PPP4R2: variants seen among roughly 807,000 people sequenced by gnomAD.
PPP4R2 encodes the protein serine/threonine-protein phosphatase 4 regulatory subunit 2.
A neutral mutation model predicts 47.2 loss-of-function variants in PPP4R2; 13 were observed. That is an observed-to-expected ratio of 0.28 (90% confidence interval 0.18 to 0.44). PPP4R2 has a LOEUF of 0.44. PPP4R2 is among the 20% of genes least tolerant of loss of function. The pLI is 1.00. For synonymous variants in PPP4R2, 151 were observed against 163.3 expected, an observed-to-expected ratio of 0.92 and a Z score of 0.57; for missense variants, 421 against 491.2, an observed-to-expected ratio of 0.86 and a Z score of 1.35.
chr3:73,006,635 TCTC>T (rs1199698040), intron 2 of PPP4R2, among the ~76,000 whole-genome samples: 1 of 152,146 alleles, frequency 6.6e-6, no homozygotes, highest in Non-Finnish European at 1.5e-5. Context: ...CTTGACTCTT[TCTC>T]CTCATTGTGG....
chr3:73,002,570 A>G (rs958292751), intron 2 of PPP4R2, among the ~76,000 whole-genome samples: 1 of 150,770 alleles, frequency 6.6e-6, no homozygotes, highest in South Asian at 2.1e-4. Context: ...GCTGTTGTGA[A>G]TAGTGCTGCA....
intron 5 of PPP4R2, chr3:73,062,474 C>A (rs1422902620): frequency 6.2e-7 from 1 of 1,612,954 alleles, no homozygotes; most frequent in African/African-American, 1.3e-5. Context: ...TCTTGTGTTT[C>A]ATATTTGATG....
intron 5 of PPP4R2, chr3:73,062,922 C>G (rs531173205): frequency 1.9e-6 from 3 of 1,590,952 alleles, no homozygotes; most frequent in African/African-American, 2.7e-5. Flanking sequence ...GCACAGATGA[C>G]AACCTATTAA....
rs200530163 is a variant in PPP4R2 at position 73,064,877 on chromosome 3, G to C, written c.664G>C (p.Val222Leu). 1 of 1,609,578 alleles carries C rather than the reference G, an allele frequency of 6.2e-7. No homozygotes were observed. Among genetic ancestry groups the C allele is most frequent in the Non-Finnish European group, 8.5e-7 (1 of 1,178,474 alleles). Residue 222 changes from valine to leucine, a missense_variant, in exon 8 of 9, where the codon GTT becomes CTT. By Grantham distance (32) the Val-to-Leu change is conservative (BLOSUM62 1). Transcript: ENST00000356692. ...HSDSSTSESE[V>L]SSVSPLKNKH... ...TGACTCTTCGACCTCTGAATCAGAA[G>C]TTTCCTCAGTGAGCCCTTTGAAAAA...
intron 2 of PPP4R2, among the ~76,000 whole-genome samples, chr3:73,019,140 A>G (rs1450856241): frequency 6.6e-6 from 1 of 152,222 alleles, no homozygotes; most frequent in Non-Finnish European, 1.5e-5. Flanking sequence ...ATGTTCAGAC[A>G]TACGAATACT....
At chr3:73,033,531 A>T (rs1438660060) in intron 2 of PPP4R2, among the ~76,000 whole-genome samples, 2 of 152,236 alleles carry the variant, frequency 1.3e-5, no homozygotes, top group Non-Finnish European at 2.9e-5. Context: ...GAGGCAAAAC[A>T]TGCATAAAAT....
At chr3:73,020,262 A>G (rs1423719362) in intron 2 of PPP4R2, among the ~76,000 whole-genome samples, 1 of 152,100 alleles carries the variant, frequency 6.6e-6, no homozygotes, top group Non-Finnish European at 1.5e-5. Context: ...GTGGTGGGAC[A>G]ATAGCTCACT....
chr3:73,008,714 A>G (rs1701664112), intron 2 of PPP4R2, among the ~76,000 whole-genome samples: 1 of 152,220 alleles, frequency 6.6e-6, no homozygotes, highest in Non-Finnish European at 1.5e-5. Context: ...AATAAAGTAT[A>G]TAGCTATAGA....
At chr3:73,008,400 C>T (rs902010440) in intron 2 of PPP4R2, among the ~76,000 whole-genome samples, 2 of 152,294 alleles carry the variant, frequency 1.3e-5, no homozygotes, top group African/African-American at 2.4e-5. Context: ...AAGTTAGGCA[C>T]GCCAACTTTC....
chr3:73,032,594 C>G (rs1396239269), intron 2 of PPP4R2, among the ~76,000 whole-genome samples: 2 of 152,110 alleles, frequency 1.3e-5, no homozygotes, highest in Non-Finnish European at 2.9e-5. Flanking sequence ...GCCTACCTTC[C>G]TATTTCTAAG....
chr3:72,998,654 C>G (rs905870295), intron 2 of PPP4R2, among the ~76,000 whole-genome samples: 5 of 152,098 alleles, frequency 3.3e-5, no homozygotes, highest in Non-Finnish European at 7.4e-5. Context: ...CTGACAAATT[C>G]CAGATGCTAC....
At chr3:73,043,008 G>A (rs1030790242) in intron 2 of PPP4R2, among the ~76,000 whole-genome samples, 8 of 151,858 alleles carry the variant, frequency 5.3e-5, no homozygotes, top group African/African-American at 9.7e-5. Context: ...TTTTTGGACC[G>A]CAAACATGTC....
At chr3:73,039,563 G>A (rs189042102) in intron 2 of PPP4R2, among the ~76,000 whole-genome samples, 2 of 152,278 alleles carry the variant, frequency 1.3e-5, no homozygotes, top group African/African-American at 4.8e-5. Flanking sequence ...GGTGGGGAAT[G>A]GGCCCATGGT....
intron 2 of PPP4R2, among the ~76,000 whole-genome samples, chr3:73,045,567 C>T (rs565544404): frequency 4.0e-5 from 6 of 149,420 alleles, no homozygotes; most frequent in South Asian, 2.1e-4. Context: ...GCTCATCGCC[C>T]GGGCTGGCGT....
chr3:73,048,232 T>C (rs1163683840), intron 3 of PPP4R2, among the ~76,000 whole-genome samples: 1 of 151,850 alleles, frequency 6.6e-6, no homozygotes, highest in Non-Finnish European at 1.5e-5. Flanking sequence ...TAAATTCTAT[T>C]TTTGTAGGAC....
chr3:73,062,898 T>C, intron 5 of PPP4R2: 3 of 1,610,704 alleles, frequency 1.9e-6, no homozygotes, highest in Non-Finnish European at 2.5e-6. Context: ...CAAGTCAAGT[T>C]AGTTGCCAAG....
At chr3:73,039,028 T>C (rs1286544227) in intron 2 of PPP4R2, among the ~76,000 whole-genome samples, 1 of 152,238 alleles carries the variant, frequency 6.6e-6, no homozygotes, top group African/African-American at 2.4e-5. Context: ...CATCTTCAGA[T>C]AGAAGTTTAT....
chr3:73,030,633 C>T (rs1559556358), intron 2 of PPP4R2, among the ~76,000 whole-genome samples: 1 of 149,062 alleles, frequency 6.7e-6, no homozygotes, highest in Admixed American at 6.7e-5. Flanking sequence ...TTTTTAATTA[C>T]AGTGAAGCCA....
chr3:73,040,404 C>T (rs1331059919), intron 2 of PPP4R2, among the ~76,000 whole-genome samples: 3 of 151,856 alleles, frequency 2.0e-5, no homozygotes, highest in Non-Finnish European at 4.4e-5. Context: ...AATCTATCCT[C>T]AGGTGATAAA....
Sources: gnomAD v4.1 joint callset for allele counts (sites outside exome capture counted in the v4.1 genomes callset) on GRCh38, gnomAD v4.1.1 for gene constraint, MANE v1.5 for transcripts, NCBI Gene and HGNC (gene_info 2026-07-23, HGNC 2026-07-21) for gene names.